LIPI: variants seen among roughly 807,000 people sequenced by gnomAD.
LIPI encodes the protein lipase member I.
LIPI carries 59 observed loss-of-function variants against 50.6 expected under a neutral mutation model. That is an observed-to-expected ratio of 1.16 (90% CI 0.94 to 1.45). The LOEUF is 1.45. Ranked by LOEUF, LIPI falls within the 40% of genes most tolerant of loss-of-function variation. LIPI has a pLI of 0.00. For synonymous variants in LIPI, 203 were observed against 178.2 expected, an observed-to-expected ratio of 1.14 and a Z score of -1.11; for missense variants, 586 against 536.3, an observed-to-expected ratio of 1.09 and a Z score of -0.92.
At chr21:14,167,068 C>A (rs1600887443) in intron 4 of LIPI, among the ~76,000 whole-genome samples, 1 of 152,238 alleles carries the variant, frequency 6.6e-6, no homozygotes, top group African/African-American at 2.4e-5. Context: ...ATATCCCACA[C>A]ATGGCTCGGA....
chr21:14,168,383 G>C (rs9975701), intron 4 of LIPI, among the ~76,000 whole-genome samples: 3 of 151,860 alleles, frequency 2.0e-5, no homozygotes, highest in Non-Finnish European at 4.4e-5. Context: ...GATACTCCTC[G>C]AGAAGAGCAA....
intron 9 of LIPI, among the ~76,000 whole-genome samples, chr21:14,142,763 C>T (rs750804435): frequency 2.6e-5 from 4 of 151,768 alleles, no homozygotes; most frequent in South Asian, 4.2e-4. Context: ...GGATTACAGG[C>T]GTGAGCCACC....
At position 14,200,573 on chromosome 21, in the gene LIPI, G is replaced by C. The variant is rs939426055; in HGVS notation, c.46+10227C>G. On this transcript the variant is annotated intron_variant, in intron 1 of 9. Transcript: ENST00000681601. ...CTAGGGTAGTGAAAGGTCTCTACTA[G>C]GAGAACAACAAAACACTGCCCAGAT... Among the ~76,000 whole-genome samples the C allele has an allele frequency of 7.2e-5, 11 of 151,872 alleles. No individual in the cohort carries two copies. In the East Asian group the frequency reaches 1.7e-3, roughly 24 times the overall value.
chr21:14,148,783 A>C (rs533435036), intron 8 of LIPI, among the ~76,000 whole-genome samples: 6 of 152,220 alleles, frequency 3.9e-5, no homozygotes, highest in Non-Finnish European at 7.3e-5. Context: ...CTGTATTAGC[A>C]AATAATTATT....
At chr21:14,170,385 A>C (rs964286590) in intron 4 of LIPI, among the ~76,000 whole-genome samples, 1 of 152,170 alleles carries the variant, frequency 6.6e-6, no homozygotes, top group Non-Finnish European at 1.5e-5. Context: ...TCATCCTGAT[A>C]CCAAAGCCTG....
intron 9 of LIPI, among the ~76,000 whole-genome samples, chr21:14,129,353 A>G (rs2017193172): frequency 6.6e-6 from 1 of 152,156 alleles, no homozygotes; most frequent in Non-Finnish European, 1.5e-5. Flanking sequence ...ATGCATTTAT[A>G]TATATTTGTA....
At chr21:14,199,279 A>T in intron 1 of LIPI, among the ~76,000 whole-genome samples, 1 of 152,042 alleles carries the variant, frequency 6.6e-6, no homozygotes, top group Non-Finnish European at 1.5e-5. Flanking sequence ...GAAATGAAAA[A>T]CTATTCAAGA....
intron 1 of LIPI, among the ~76,000 whole-genome samples, chr21:14,197,537 C>G (rs977410775): frequency 3.3e-5 from 5 of 151,798 alleles, no homozygotes; most frequent in Admixed American, 6.6e-5. Context: ...TAGATTCTTT[C>G]TGAAATAAGA....
intron 3 of LIPI, among the ~76,000 whole-genome samples, chr21:14,184,099 G>A (rs1391834193): frequency 5.9e-5 from 9 of 152,128 alleles, no homozygotes; most frequent in South Asian, 2.1e-4. Context: ...ACGATAGACC[G>A]GATTAAGAAA....
chr21:14,141,162 G>A (rs1432941813), intron 9 of LIPI, among the ~76,000 whole-genome samples: 1 of 152,000 alleles, frequency 6.6e-6, no homozygotes, highest in Non-Finnish European at 1.5e-5. Context: ...CTCAGTTGAA[G>A]GGGAATTTTT....
At chr21:14,199,706 T>G (rs1652901742) in intron 1 of LIPI, among the ~76,000 whole-genome samples, 1 of 151,712 alleles carries the variant, frequency 6.6e-6, no homozygotes, top group Non-Finnish European at 1.5e-5. Flanking sequence ...CTGAAACTGT[T>G]CCAGAAAAAA....
At chr21:14,126,845 C>T (rs2122973631) in intron 9 of LIPI, among the ~76,000 whole-genome samples, 1 of 152,152 alleles carries the variant, frequency 6.6e-6, no homozygotes, top group South Asian at 2.1e-4. Context: ...CAGTGGTTGC[C>T]AGCAGGTGGA....
At chr21:14,111,145 G>A (rs2016396147) in intron 9 of LIPI, among the ~76,000 whole-genome samples, 1 of 151,606 alleles carries the variant, frequency 6.6e-6, no homozygotes, top group Admixed American at 6.6e-5. Flanking sequence ...TATTTTTAAT[G>A]TTTTTAGGAA....
Position 14,146,772 on chromosome 21 carries a change from A to ATTTTTTTTTTTTTTTTTTT in LIPI, c.1119-1992_1119-1974dup, listed in dbSNP as rs3048482. Among the ~76,000 whole-genome samples, 10 of 73,384 alleles carry ATTTTTTTTTTTTTTTTTTT rather than the reference A, an allele frequency of 1.4e-4. 2 individuals are homozygous for ATTTTTTTTTTTTTTTTTTT. Among genetic ancestry groups the ATTTTTTTTTTTTTTTTTTT allele is most frequent in the African/African-American group, 5.4e-4 (9 of 16,548 alleles). 48.1% of individuals were successfully genotyped at this position (73,384 alleles called of 152,430 possible). A position where few individuals can be genotyped will look rare whatever the true frequency, so the allele number is the denominator to read the frequency against. The stretch of plus-strand genomic sequence containing the variant: ...TCTCTTTCTTACTTTCCCAGTCTCT[A>ATTTTTTTTTTTTTTTTTTT]TTTTTTTTTTTTTTTTTTTTTTTTT... On this transcript the variant is annotated intron_variant, in intron 8 of 9. Transcript: ENST00000681601.
rs182181011 is a variant in LIPI at position 14,174,849 on chromosome 21, G to A, written c.643+6909C>T. On this transcript the variant is annotated intron_variant, in intron 4 of 9. Coordinates refer to ENST00000681601, the MANE Select transcript of LIPI (RefSeq NM_001302998.2). ...TTACAGGCGTGAGCCACCGCACCCG[G>A]CCTGTTTTCATTCTTTATCTTCTAA... is the stretch of plus-strand genomic sequence containing the variant. 9.2e-5 allele frequency among the ~76,000 whole-genome samples: 14 copies of A among 152,260 alleles called. No homozygotes were observed. In the East Asian group the frequency reaches 2.7e-3, roughly 29 times the overall value.
intron 1 of LIPI, among the ~76,000 whole-genome samples, chr21:14,205,384 T>C (rs946310726): frequency 1.3e-5 from 2 of 151,924 alleles, no homozygotes; most frequent in Non-Finnish European, 2.9e-5. Context: ...AGAAAGCACG[T>C]ATTATGTAAA....
At chr21:14,137,624 C>T (rs571947289) in intron 9 of LIPI, among the ~76,000 whole-genome samples, 1 of 152,072 alleles carries the variant, frequency 6.6e-6, no homozygotes, top group African/African-American at 2.4e-5. Flanking sequence ...AAGATTTATT[C>T]ACCTGAAAAA....
chr21:14,151,887 T>C (rs942478886), intron 8 of LIPI, among the ~76,000 whole-genome samples: 1 of 151,864 alleles, frequency 6.6e-6, no homozygotes, highest in African/African-American at 2.4e-5. Flanking sequence ...GGGAGCCTTG[T>C]AGGTGGGAAT....
chr21:14,196,320 G>C (rs554266406), intron 1 of LIPI, among the ~76,000 whole-genome samples: 1 of 152,084 alleles, frequency 6.6e-6, no homozygotes, highest in East Asian at 1.9e-4. Flanking sequence ...AAACAAAAAA[G>C]TACATATTTT....
Sources: gnomAD v4.1 joint callset for allele counts (sites outside exome capture counted in the v4.1 genomes callset) on GRCh38, gnomAD v4.1.1 for gene constraint, MANE v1.5 for transcripts, NCBI Gene and HGNC (gene_info 2026-07-23, HGNC 2026-07-21) for gene names.